The following CRACD variants were observed in gnomAD, a reference collection of about 807,000 sequenced individuals.
CRACD encodes the protein capping protein inhibiting regulator of actin dynamics.
A neutral mutation model predicts 106.8 loss-of-function variants in CRACD; 56 were observed. That is an observed-to-expected ratio of 0.52 (90% CI 0.42 to 0.66). The LOEUF (loss-of-function observed/expected upper bound fraction) is 0.66, where lower values mean the gene tolerates loss of function less well. Among genes scored for constraint, CRACD ranks in the 30% least tolerant of loss-of-function variants. CRACD has a pLI of 0.00. For synonymous variants in CRACD, 754 were observed against 670.8 expected, an observed-to-expected ratio of 1.12 and a Z score of -1.92; for missense variants, 1,730 against 1,623.2, an observed-to-expected ratio of 1.07 and a Z score of -1.13.
intron 2 of CRACD, among the ~76,000 whole-genome samples, chr4:56,199,704 A>G (rs1435215514): frequency 2.0e-5 from 3 of 151,506 alleles, no homozygotes; most frequent in South Asian, 2.1e-4. Context: ...GAAAAGAAAA[A>G]AAAAGAAAAA....
intron 4 of CRACD, among the ~76,000 whole-genome samples, chr4:56,303,420 A>C (rs1351908239): frequency 6.6e-6 from 1 of 151,140 alleles, no homozygotes; most frequent in Admixed American, 6.6e-5. Flanking sequence ...GTAGTAGTTT[A>C]TCTCTCTGAA....
At chr4:56,069,651 T>TC (rs1560441468) in intron 1 of CRACD, among the ~76,000 whole-genome samples, 1 of 151,968 alleles carries the variant, frequency 6.6e-6, no homozygotes, top group African/African-American at 2.4e-5. Context: ...TCAGATGACT[T>TC]CCCCCCAGGG....
At position 56,307,671 on chromosome 4, in the gene CRACD, A is replaced by G. The variant is rs890428711; in HGVS notation, c.257A>G (p.Asp86Gly). ...CCCATGGAAATTGTGACTCAGCAGG[A>G]CATCGTCCTCTCAGACGCAGAGAAC... ...TSPMEIVTQQ[D>G]IVLSDAENKS... The change falls in exon 5 of 11, where the codon GAC (aspartate) becomes GGC (glycine). Residue 86 changes from aspartate (D) to glycine (G), a missense_variant. Asp to Gly is a moderately conservative substitution (Grantham distance 94). Coordinates refer to ENST00000682029, the MANE Select transcript of CRACD (RefSeq NM_001393381.1). The G allele has an allele frequency of 1.2e-6, 2 of 1,614,188 alleles. No homozygotes were observed. The highest frequency in any genetic ancestry group is 1.3e-5 in the African/African-American group (1 of 75,058).
chr4:56,172,731 C>T (rs985203197), intron 1 of CRACD, among the ~76,000 whole-genome samples: 1 of 152,092 alleles, frequency 6.6e-6, no homozygotes, highest in Non-Finnish European at 1.5e-5. Context: ...TCAAGCGATT[C>T]TCTTGCCTCA....
At chr4:56,107,493 G>T (rs938064795) in intron 1 of CRACD, among the ~76,000 whole-genome samples, 1 of 151,868 alleles carries the variant, frequency 6.6e-6, no homozygotes, top group South Asian at 2.1e-4. Flanking sequence ...TTTCTAACCT[G>T]ATACTCTTGC....
chr4:56,220,176 T>C (rs1738952755), intron 2 of CRACD, among the ~76,000 whole-genome samples: 2 of 152,204 alleles, frequency 1.3e-5, no homozygotes, highest in African/African-American at 4.8e-5. Context: ...TTATTACTGA[T>C]CAAGTGTTTT....
chr4:56,308,469 A>T (rs987683718), intron 5 of CRACD, among the ~76,000 whole-genome samples: 8 of 129,428 alleles, frequency 6.2e-5, no homozygotes, highest in African/African-American at 1.1e-4. Context: ...GTTTCACTTT[A>T]AAAAAAAAAA....
intron 1 of CRACD, among the ~76,000 whole-genome samples, chr4:56,153,282 G>A (rs189420562): frequency 6.6e-5 from 10 of 152,100 alleles, no homozygotes; most frequent in South Asian, 4.2e-4. Context: ...TCATCTTGGG[G>A]AAGAAAAAAA....
chr4:56,192,189 C>T (rs569828003), intron 2 of CRACD, among the ~76,000 whole-genome samples: 2 of 152,166 alleles, frequency 1.3e-5, no homozygotes, highest in South Asian at 2.1e-4. Flanking sequence ...GTCAGGAGTT[C>T]GAGACCAGCC....
chr4:56,117,812 C>T (rs978813819), intron 1 of CRACD, among the ~76,000 whole-genome samples: 1 of 152,148 alleles, frequency 6.6e-6, no homozygotes, highest in Admixed American at 6.5e-5. Context: ...GGCTGGAGTG[C>T]AGTGGTGTGA....
intron 2 of CRACD, among the ~76,000 whole-genome samples, chr4:56,213,403 G>A (rs898854804): frequency 3.3e-5 from 5 of 152,096 alleles, no homozygotes; most frequent in Non-Finnish European, 7.4e-5. Flanking sequence ...CCAAGATCAC[G>A]CCATTGCACT....
chr4:56,267,017 C>T (rs971911085), intron 2 of CRACD, among the ~76,000 whole-genome samples: 1 of 151,890 alleles, frequency 6.6e-6, no homozygotes, highest in African/African-American at 2.4e-5. Context: ...GTAGGATGGG[C>T]TAAAATGTAA....
intron 6 of CRACD, 59 bp downstream of exon 6, chr4:56,310,793 C>T (rs1745104203): frequency 3.2e-6 from 3 of 949,808 alleles, no homozygotes; most frequent in Non-Finnish European, 4.8e-6. Context: ...TCATCTTCCC[C>T]CCCCCTTTTT....
intron 1 of CRACD, among the ~76,000 whole-genome samples, chr4:56,086,816 TG>T (rs1021659449): frequency 7.9e-5 from 12 of 152,246 alleles, no homozygotes; most frequent in African/African-American, 2.9e-4. Context: ...TGACTGACTT[TG>T]GGGCTTTGAT....
chr4:56,177,917 T>G (rs978022016), intron 1 of CRACD, among the ~76,000 whole-genome samples: 1 of 152,216 alleles, frequency 6.6e-6, no homozygotes, highest in Non-Finnish European at 1.5e-5. Flanking sequence ...TTAGCTTAGG[T>G]AAAGATTTGT....
rs972324110 is a variant in CRACD at position 56,298,021 on chromosome 4, T to C, written c.-16-193T>C. The C allele has an allele frequency of 1.1e-5, 6 of 543,544 alleles. 1 individual carries two copies. The highest frequency in any genetic ancestry group is 3.1e-5 in the Admixed American group (1 of 32,198). The allele number at this position is 543,544 out of a possible 1,614,324, so 33.7% of individuals were successfully genotyped here. On this transcript the variant is annotated intron_variant, in intron 3 of 10. Transcript: ENST00000682029. The stretch of plus-strand genomic sequence containing the variant: ...GGTGAATGGCTCTGAACCAGGGCTA[T>C]GTAAGAGATGGGGACCCTTTTGTCT...
At chr4:56,262,609 C>T (rs953711484) in intron 2 of CRACD, among the ~76,000 whole-genome samples, 2 of 152,102 alleles carry the variant, frequency 1.3e-5, no homozygotes, top group African/African-American at 4.8e-5. Flanking sequence ...CCCAGGGAAA[C>T]CAAAAGATTG....
At chr4:56,155,932 A>G (rs1735748922) in intron 1 of CRACD, among the ~76,000 whole-genome samples, 1 of 152,130 alleles carries the variant, frequency 6.6e-6, no homozygotes, top group African/African-American at 2.4e-5. Flanking sequence ...TGATTTGTGA[A>G]CCTATGGGAA....
In CRACD at chr4:56,314,425, G is replaced by GGAGGGAGCGGAGGGAGCC. The variant is rs1553920301; in HGVS notation, c.923_924insGAGGGAGCGGAGGGAGCC (p.Arg308_Glu309insArgGluArgArgGluPro). 6.5e-7 allele frequency: 1 copy of GGAGGGAGCGGAGGGAGCC among 1,542,662 alleles called. No individual in the cohort carries two copies. Among genetic ancestry groups the GGAGGGAGCGGAGGGAGCC allele is most frequent in the South Asian group, 1.2e-5 (1 of 83,524 alleles). ...TGGGAGGACGCGGAGCGGAGGGAGC[G>GGAGGGAGCGGAGGGAGCC]TGAGGAGCGCGAGCGCCTGGAGGCG... On this transcript the variant is annotated inframe_insertion, in exon 8 of 11. Transcript: ENST00000682029. This position sits in a 1 kb window ranked among gnomAD's most constrained non-coding sequence, Gnocchi z 4.4.
Sources: allele counts gnomAD v4.1 joint callset (sites outside exome capture counted in the v4.1 genomes callset), GRCh38; gene constraint gnomAD v4.1.1; non-coding constraint Gnocchi (gnomAD v3.1); transcripts MANE v1.5; gene names NCBI Gene and HGNC (gene_info 2026-07-23, HGNC 2026-07-21).